The following PCNX2 variants were observed in gnomAD, a reference collection of about 807,000 sequenced individuals.
PCNX2 encodes pecanex-like protein 2.
A neutral mutation model predicts 223.8 loss-of-function variants in PCNX2; 168 were observed. The ratio of observed to expected loss-of-function variants is 0.75; its 90% CI spans 0.66 to 0.85. The LOEUF (loss-of-function observed/expected upper bound fraction) is 0.85, where lower values mean the gene tolerates loss of function less well. PCNX2 is among the 40% of genes least tolerant of loss of function. PCNX2 has a pLI of 0.00. For missense variants in PCNX2, 2,507 were observed against 2,675.5 expected, an observed-to-expected ratio of 0.94 and a Z score of 1.39; for synonymous variants, 1,006 against 1,052.6, an observed-to-expected ratio of 0.96 and a Z score of 0.86.
Position 233,177,794 on chromosome 1 carries a change from T to C in PCNX2, c.3273+8A>G. On this transcript the variant is annotated splice_region_variant and intron_variant, in intron 17 of 33. Transcript: ENST00000258229. The stretch of plus-strand genomic sequence containing the variant: ...CCTATGCTACATTACACAACGCAAA[T>C]GTCTCACCACTGAATCTTTCATCTT... The C allele has an allele frequency of 6.2e-7, 1 of 1,607,288 alleles. No homozygotes were observed. The highest frequency in any genetic ancestry group is 1.1e-5 in the South Asian group (1 of 90,926).
chr1:233,258,917 A>C lies in PCNX2; in HGVS notation c.945T>G (p.Cys315Trp). Residue 315 changes from cysteine to tryptophan, a missense_variant, in exon 5 of 34, where the codon TGT (cysteine) becomes TGG (tryptophan). Transcript: ENST00000258229. ...CCACAGGCTTGGCCACGATGGTGTC[A>C]CATTGAGGGCAGCTGCTGCTCAGGC... is the stretch of plus-strand genomic sequence containing the variant. ...QDSLSSSCPQ[C>W]DTIVAKPVEE... 1 of 1,613,894 alleles carries C rather than the reference A, an allele frequency of 6.2e-7. No homozygotes were observed. Among genetic ancestry groups the C allele is most frequent in the Non-Finnish European group, 8.5e-7 (1 of 1,179,874 alleles).
At chr1:233,300,966 G>T in the PCNX2 span, among the ~76,000 whole-genome samples, 1 of 152,150 alleles carries the variant, frequency 6.6e-6, no homozygotes, top group Non-Finnish European at 1.5e-5. Context: ...TAACTTTATT[G>T]TGGATGAAAG....
chr1:233,217,949 A>G lies in PCNX2; in HGVS notation c.2659-18T>C. The G allele has an allele frequency of 2.5e-6, 4 of 1,613,766 alleles. No individual in the cohort carries two copies. The South Asian group carries it at 4.4e-5, about 18-fold the overall frequency. ...TGAACACTCTAAAACACAAATCAGA[A>G]GTGTCTGTGTCATCATCTCATGATT... is the stretch of plus-strand genomic sequence containing the variant. On this transcript the variant is annotated intron_variant, in intron 11 of 33. Coordinates refer to ENST00000258229, the MANE Select transcript of PCNX2 (RefSeq NM_014801.4).
chr1:233,198,777 T>A (rs777890696), intron 15 of PCNX2, among the ~76,000 whole-genome samples, 162 bp downstream of exon 15: 1 of 152,242 alleles, frequency 6.6e-6, no homozygotes, highest in Non-Finnish European at 1.5e-5. Flanking sequence ...CATCCTGACC[T>A]GTCTTCTAAC....
At chr1:233,079,690 C>G (rs761183045) in intron 23 of PCNX2, among the ~76,000 whole-genome samples, 13 of 152,082 alleles carry the variant, frequency 8.5e-5, no homozygotes, top group Non-Finnish European at 1.6e-4. Flanking sequence ...CTGAAAGGCC[C>G]TTTTAAGCCT....
Position 233,227,360 on chromosome 1 carries a change from C to G in PCNX2, c.2370G>C (p.Gln790His), listed in dbSNP as rs1264231349. The G allele has an allele frequency of 8.1e-6, 13 of 1,612,520 alleles. No individual in the cohort carries two copies. Among genetic ancestry groups the G allele is most frequent in the Non-Finnish European group, 1.1e-5 (13 of 1,179,314 alleles). ...AAGAACATGACGAGGCTTCCAGATC[C>G]TGACTCACATGCTTTTAGATACCAA... ...TQSETPRHVSQDLEASSCSST... is the reference protein window; with the variant it reads ...TQSETPRHVSHDLEASSCSST... The change falls in exon 10 of 34, where the codon CAG becomes CAC. Residue 790 changes from glutamine to histidine, a missense_variant. By Grantham distance (24) the Gln-to-His change is conservative. Coordinates refer to ENST00000258229, the MANE Select transcript of PCNX2 (RefSeq NM_014801.4).
At chr1:233,106,801 T>C (rs1018466717) in intron 21 of PCNX2, among the ~76,000 whole-genome samples, 6 of 152,198 alleles carry the variant, frequency 3.9e-5, no homozygotes, top group African/African-American at 1.4e-4. Context: ...ATAAGGCAAC[T>C]TTTTGTAATG....
At chr1:233,180,483 G>C (rs2102860953) in intron 15 of PCNX2, among the ~76,000 whole-genome samples, 1 of 152,128 alleles carries the variant, frequency 6.6e-6, no homozygotes, top group Middle Eastern at 3.4e-3. Flanking sequence ...TCTGAAAGCT[G>C]AATTTAGTCA....
rs546469932 is a variant in PCNX2 at position 233,179,238 on chromosome 1, C to T, written c.3067-63G>A. The T allele has an allele frequency of 5.2e-6, 8 of 1,524,850 alleles. No homozygotes were observed. In the African/African-American group the frequency reaches 1.1e-4, roughly 21 times the overall value. 94.5% of individuals were successfully genotyped at this position (1,524,850 alleles called of 1,614,324 possible). A position where few individuals can be genotyped will look rare whatever the true frequency, so the allele number is the denominator to read the frequency against. ...GCTGTGTGAATAGCAGGATCTCTAT[C>T]AGACATTTAGAAATATCCCCAAGGT... On this transcript the variant is annotated intron_variant, in intron 15 of 33. Coordinates refer to ENST00000258229, the MANE Select transcript of PCNX2 (RefSeq NM_014801.4).
At chr1:233,099,131 C>T (rs1674340594) in intron 21 of PCNX2, among the ~76,000 whole-genome samples, 1 of 152,328 alleles carries the variant, frequency 6.6e-6, no homozygotes, top group Admixed American at 6.5e-5. Flanking sequence ...AACCAGAGAT[C>T]AAAGTTCCTG....
chr1:233,156,014 A>G (rs1335562974), intron 19 of PCNX2, among the ~76,000 whole-genome samples: 1 of 152,214 alleles, frequency 6.6e-6, no homozygotes, highest in Non-Finnish European at 1.5e-5. Flanking sequence ...ATACACATTA[A>G]TATAACTCAG....
chr1:233,254,326 A>G (rs1194454908), intron 5 of PCNX2, among the ~76,000 whole-genome samples: 2 of 152,256 alleles, frequency 1.3e-5, no homozygotes, highest in Non-Finnish European at 1.5e-5. Context: ...AGAAAGTGCT[A>G]TCATAACAAA....
chr1:233,272,206 ACC>A (rs1342554827), intron 1 of PCNX2, among the ~76,000 whole-genome samples: 1 of 152,038 alleles, frequency 6.6e-6, no homozygotes, highest in Admixed American at 6.6e-5. Flanking sequence ...TAAACAGACA[ACC>A]CACAGAATCG....
chr1:233,211,525 A>C (rs1490732971), intron 12 of PCNX2, among the ~76,000 whole-genome samples: 1 of 151,924 alleles, frequency 6.6e-6, no homozygotes, highest in Non-Finnish European at 1.5e-5. Flanking sequence ...TGTCCTACCT[A>C]CTTCAAGTGT....
intron 13 of PCNX2, among the ~76,000 whole-genome samples, chr1:233,207,582 G>A (rs1681553911): frequency 6.6e-6 from 1 of 152,188 alleles, no homozygotes; most frequent in African/African-American, 2.4e-5. Flanking sequence ...TGCTCTCTAT[G>A]TCTAAGTATA....
intron 17 of PCNX2, among the ~76,000 whole-genome samples, chr1:233,170,927 A>G (rs1353098941): frequency 2.0e-5 from 3 of 152,338 alleles, no homozygotes; most frequent in African/African-American, 7.2e-5. Context: ...CGGGCTGAGC[A>G]GCCCTCATCC....
chr1:233,015,807 G>T (rs749207918), intron 27 of PCNX2, among the ~76,000 whole-genome samples: 1 of 152,042 alleles, frequency 6.6e-6, no homozygotes, highest in Non-Finnish European at 1.5e-5. Flanking sequence ...CTAGGAGTTT[G>T]AGGCTGCAAT....
chr1:233,140,787 C>T lies in PCNX2; in HGVS notation c.3518-932G>A, dbSNP rs116915620. On this transcript the variant is annotated intron_variant, in intron 19 of 33. Coordinates refer to ENST00000258229, the MANE Select transcript of PCNX2 (RefSeq NM_014801.4). ...GAACTGGAACAAGAGCCAGGACTCT[C>T]CTCTGCTTCCCAACTTGAGGAGAGC... Among the ~76,000 whole-genome samples, 57 of 152,328 alleles carry T rather than the reference C, an allele frequency of 3.7e-4. 1 individual carries two copies. In the East Asian group the frequency reaches 0.01, roughly 28 times the overall value.
intron 25 of PCNX2, among the ~76,000 whole-genome samples, chr1:233,053,212 T>A (rs933342273): frequency 3.9e-5 from 6 of 151,936 alleles, no homozygotes; most frequent in African/African-American, 1.2e-4. Context: ...AGCTGCCTCA[T>A]GTCAAGTTGC....
Sources: gnomAD v4.1 joint callset for allele counts (sites outside exome capture counted in the v4.1 genomes callset) on GRCh38, gnomAD v4.1.1 for gene constraint, MANE v1.5 for transcripts, NCBI Gene and HGNC (gene_info 2026-07-23, HGNC 2026-07-21) for gene names.